The following TMEM276 variants were observed in gnomAD, a reference collection of about 807,000 sequenced individuals.
The protein encoded by TMEM276 is transmembrane protein 276.
chr8:144,466,269 C>T, the TMEM276 span: 20 of 211,006 alleles, frequency 9.5e-5, no homozygotes, highest in Admixed American at 1.0e-3. Context: ...CTAGTACCCC[C>T]GTCCCCGCGC....
At chr8:144,465,490 G>A in the TMEM276 span, 2 of 967,444 alleles carry the variant, frequency 2.1e-6, no homozygotes, top group Non-Finnish European at 2.5e-6. Flanking sequence ...CCACCAGCGA[G>A]AGGAGCGGAG....
the TMEM276 span, chr8:144,466,299 G>A: frequency 1.7e-5 from 4 of 241,830 alleles, no homozygotes; most frequent in Non-Finnish European, 3.0e-5. Context: ...AGCCGTGGGA[G>A]CCGGGCCGTG....
the TMEM276 span, chr8:144,466,891 G>A: frequency 4.5e-6 from 7 of 1,545,752 alleles, no homozygotes; most frequent in Non-Finnish European, 6.1e-6. Flanking sequence ...GGACCTCCCA[G>A]GGAGGGGCGG....
the TMEM276 span, chr8:144,464,254 A>T: frequency 3.1e-6 from 5 of 1,612,872 alleles, no homozygotes; most frequent in South Asian, 5.5e-5. Flanking sequence ...CCGGCTCAGG[A>T]GGCCTGCCAC....
At chr8:144,466,371 G>A in the TMEM276 span, 2 of 801,238 alleles carry the variant, frequency 2.5e-6, no homozygotes, top group Non-Finnish European at 3.2e-6. Flanking sequence ...GTCTGGGCGC[G>A]GGGACGCGGG....
the TMEM276 span, chr8:144,465,496 C>A: frequency 1.1e-6 from 1 of 939,614 alleles, no homozygotes; most frequent in Non-Finnish European, 1.3e-6. Context: ...GCGAGAGGAG[C>A]GGAGGCTAGA....
the TMEM276 span, chr8:144,464,312 C>T: frequency 6.2e-7 from 1 of 1,613,142 alleles, no homozygotes; most frequent in South Asian, 1.1e-5. Flanking sequence ...GCCGTGAAGA[C>T]AGCTACAATG....
chr8:144,464,891 T>G, the TMEM276 span: 1 of 1,612,034 alleles, frequency 6.2e-7, no homozygotes. Context: ...GGCCCCCGGC[T>G]TGGGGGCCAT....
chr8:144,466,501 C>A, the TMEM276 span: 1 of 1,299,084 alleles, frequency 7.7e-7, no homozygotes, highest in South Asian at 2.0e-5. Context: ...GGCCGCGGAG[C>A]CCGGGGACCC....
At chr8:144,465,204 G>T in the TMEM276 span, 1 of 1,266,164 alleles carries the variant, frequency 7.9e-7, no homozygotes, top group Non-Finnish European at 1.0e-6. Context: ...GTGGGAGTGC[G>T]GGCCTGGGGA....
the TMEM276 span, chr8:144,465,277 G>A: frequency 2.7e-6 from 3 of 1,117,218 alleles, no homozygotes; most frequent in Non-Finnish European, 3.4e-6. Context: ...TGCGTTCCGG[G>A]AGGCGTTGTC....
the TMEM276 span, chr8:144,466,405 C>T: frequency 2.4e-6 from 3 of 1,230,160 alleles, no homozygotes; most frequent in Non-Finnish European, 2.1e-6. Flanking sequence ...GGGCCCTCTG[C>T]CGCCCCGCGC....
At chr8:144,465,090 C>A in the TMEM276 span, 7 of 1,519,278 alleles carry the variant, frequency 4.6e-6, no homozygotes, top group African/African-American at 6.9e-5. Context: ...GAGGCCACTG[C>A]ACACACCTGT....
chr8:144,466,227 G>A, the TMEM276 span: 1 of 188,542 alleles, frequency 5.3e-6, no homozygotes, highest in Non-Finnish European at 1.1e-5. Flanking sequence ...GAGAAACGGC[G>A]GGTCTCCAGG....
the TMEM276 span, chr8:144,465,099 G>A: frequency 3.3e-6 from 5 of 1,500,684 alleles, no homozygotes; most frequent in South Asian, 1.2e-5. Context: ...GCACACACCT[G>A]TGGAGAAGAA....
the TMEM276 span, chr8:144,464,393 C>T: frequency 1.2e-6 from 2 of 1,610,910 alleles, no homozygotes; most frequent in Admixed American, 1.7e-5. Context: ...CCGAGGTGGC[C>T]GCCAGCCACT....
At chr8:144,464,633 G>C in the TMEM276 span, 10 of 1,589,154 alleles carry the variant, frequency 6.3e-6, no homozygotes, top group East Asian at 1.1e-4. Context: ...AGGGAAGGGA[G>C]AACACGTGGG....
chr8:144,466,891 G>T, the TMEM276 span: 1 of 1,545,868 alleles, frequency 6.5e-7, no homozygotes, highest in Non-Finnish European at 8.7e-7. Context: ...GGACCTCCCA[G>T]GGAGGGGCGG....
At chr8:144,467,013 C>T in the TMEM276 span, 2 of 1,596,714 alleles carry the variant, frequency 1.3e-6, no homozygotes, top group Middle Eastern at 1.7e-4. Context: ...CGCGCGGCCG[C>T]GGTGTCCCTG....
Sources: allele counts gnomAD v4.1 joint callset, GRCh38; gene constraint gnomAD v4.1.1; transcripts MANE v1.5; gene names NCBI Gene and HGNC (gene_info 2026-07-23, HGNC 2026-07-21).